The following SPICE1 variants were observed in gnomAD, a reference collection of about 807,000 sequenced individuals.
SPICE1 encodes the protein spindle and centriole associated protein 1.
In SPICE1, 75 loss-of-function variants were observed where a neutral mutation model predicts 102.7. The observed-to-expected ratio is 0.73, with a 90% CI of 0.61 to 0.88. The LOEUF (loss-of-function observed/expected upper bound fraction) is 0.88, where lower values mean the gene tolerates loss of function less well. SPICE1 is among the 40% of genes least tolerant of loss of function. The pLI, the probability that SPICE1 is intolerant of heterozygous loss-of-function variation, is 0.00. For missense variants in SPICE1, 979 were observed against 1,020.1 expected, an observed-to-expected ratio of 0.96 and a Z score of 0.55; for synonymous variants, 308 against 350.3, an observed-to-expected ratio of 0.88 and a Z score of 1.35.
chr3:113,454,301 G>A (rs1935730174), intron 13 of SPICE1, among the ~76,000 whole-genome samples: 1 of 152,164 alleles, frequency 6.6e-6, no homozygotes, highest in Non-Finnish European at 1.5e-5. Flanking sequence ...AGGCCTCTCT[G>A]AGGAAGTAAA....
chr3:113,509,457 A>G (rs1313403083), intron 1 of SPICE1, among the ~76,000 whole-genome samples: 2 of 152,236 alleles, frequency 1.3e-5, no homozygotes, highest in Non-Finnish European at 2.9e-5. Context: ...AGTAGAATAC[A>G]GAACTGTATG....
chr3:113,475,631 T>C (rs1341687765), intron 7 of SPICE1, among the ~76,000 whole-genome samples: 2 of 152,068 alleles, frequency 1.3e-5, no homozygotes, highest in African/African-American at 2.4e-5. Context: ...TGGTTCAATA[T>C]ACGCAAATCA....
At chr3:113,449,952 T>C (rs1935606647) in intron 15 of SPICE1, 2 of 166,006 alleles carry the variant, frequency 1.2e-5, no homozygotes, top group Admixed American at 6.0e-5. Context: ...GTGAAAATGT[T>C]TTAAGTGTTT....
chr3:113,494,273 C>A, intron 4 of SPICE1, 131 bp from the exon 5 acceptor site: 1 of 579,036 alleles, frequency 1.7e-6, no homozygotes, highest in Non-Finnish European at 3.0e-6. Context: ...CCTTCAGTAG[C>A]AATATCCTTA....
At chr3:113,478,315 A>C (rs1178528083) in intron 7 of SPICE1, among the ~76,000 whole-genome samples, 3 of 152,174 alleles carry the variant, frequency 2.0e-5, no homozygotes, top group Non-Finnish European at 4.4e-5. Flanking sequence ...GACATACTTA[A>C]TACAAAATAA....
chr3:113,486,970 G>C (rs537735801), intron 7 of SPICE1, among the ~76,000 whole-genome samples: 1 of 151,492 alleles, frequency 6.6e-6, no homozygotes, highest in Non-Finnish European at 1.5e-5. Context: ...GTGTAGACGG[G>C]AACTAGTTAG....
At chr3:113,493,645 TAAGATA>T (rs1313635124) in intron 5 of SPICE1, among the ~76,000 whole-genome samples, 2 of 152,130 alleles carry the variant, frequency 1.3e-5, no homozygotes, top group African/African-American at 4.8e-5. Flanking sequence ...TCTAGAAGAT[TAAGATA>T]AACAATGAAC....
intron 2 of SPICE1, among the ~76,000 whole-genome samples, chr3:113,505,737 CA>C (rs1937096003): frequency 6.6e-6 from 1 of 152,032 alleles, no homozygotes; most frequent in African/African-American, 2.4e-5. Flanking sequence ...CCTGTCTCTA[CA>C]AAAAATATTT....
intron 7 of SPICE1, among the ~76,000 whole-genome samples, chr3:113,478,374 G>A (rs115985473): frequency 2.6e-5 from 4 of 152,124 alleles, no homozygotes; most frequent in African/African-American, 9.6e-5. Context: ...AAAGCTAAAT[G>A]TAAAAAGCCA....
chr3:113,506,842 T>TA (rs2107507870), intron 1 of SPICE1, among the ~76,000 whole-genome samples: 1 of 152,286 alleles, frequency 6.6e-6, no homozygotes, highest in African/African-American at 2.4e-5. Context: ...TATATTTGAT[T>TA]AAAAAAGAAC....
intron 7 of SPICE1, among the ~76,000 whole-genome samples, chr3:113,477,833 G>A (rs1461799245): frequency 6.6e-6 from 1 of 151,410 alleles, no homozygotes; most frequent in Non-Finnish European, 1.5e-5. Flanking sequence ...TATACCTAAT[G>A]CTAAATGACA....
intron 7 of SPICE1, among the ~76,000 whole-genome samples, chr3:113,485,215 C>T (rs114053714): frequency 0.028 from 4,235 of 149,510 alleles, 105 homozygotes; most frequent in East Asian, 0.1. Context: ...GCGCCTAGAA[C>T]GCCAGAGAGA....
At chr3:113,450,230 A>G (rs1935613495) in intron 15 of SPICE1, 106 bp downstream of exon 15, 2 of 1,376,912 alleles carry the variant, frequency 1.5e-6, no homozygotes, top group East Asian at 2.4e-5. Flanking sequence ...TGAAGGCACC[A>G]AAATATATGC....
chr3:113,483,088 T>C (rs1936551728), intron 7 of SPICE1, among the ~76,000 whole-genome samples: 2 of 152,218 alleles, frequency 1.3e-5, no homozygotes, highest in African/African-American at 4.8e-5. Flanking sequence ...CCTTGAGCAG[T>C]GGCTTGTAGT....
At chr3:113,484,513 T>TTA (rs200635362) in intron 7 of SPICE1, among the ~76,000 whole-genome samples, 3,915 of 152,230 alleles carry the variant, frequency 0.026, 64 homozygotes, top group East Asian at 0.053. Flanking sequence ...TTGTGGGCAT[T>TTA]TAGTGCTATA....
intron 13 of SPICE1, among the ~76,000 whole-genome samples, chr3:113,456,302 G>A (rs78263683): frequency 0.054 from 8,106 of 150,264 alleles, 259 homozygotes; most frequent in East Asian, 0.1. Flanking sequence ...CTGTTCCCCT[G>A]TGTAAAAATA....
At chr3:113,483,931 G>A (rs1433114643) in intron 7 of SPICE1, among the ~76,000 whole-genome samples, 1 of 152,140 alleles carries the variant, frequency 6.6e-6, no homozygotes, top group Non-Finnish European at 1.5e-5. Context: ...TCTATTGTTT[G>A]GAATAGTTTC....
chr3:113,450,678 G>A (rs906293029), intron 14 of SPICE1, among the ~76,000 whole-genome samples, 162 bp from the exon 15 acceptor site: 3 of 151,342 alleles, frequency 2.0e-5, no homozygotes, highest in Non-Finnish European at 4.4e-5. Flanking sequence ...CCGGGTTCAC[G>A]CCATTCTCCT....
At chr3:113,446,986 A>G (rs571065741) in intron 16 of SPICE1, among the ~76,000 whole-genome samples, 8 of 152,170 alleles carry the variant, frequency 5.3e-5, no homozygotes, top group African/African-American at 1.9e-4. Flanking sequence ...GGTCTTTCCC[A>G]TGCTATTCTC....
Sources: allele counts gnomAD v4.1 joint callset (sites outside exome capture counted in the v4.1 genomes callset), GRCh38; gene constraint gnomAD v4.1.1; transcripts MANE v1.5; gene names NCBI Gene and HGNC (gene_info 2026-07-23, HGNC 2026-07-21).